The following NEO1 variants were observed in gnomAD, a reference collection of about 807,000 sequenced individuals.
The protein encoded by NEO1 is neogenin 1.
NEO1 carries 63 observed loss-of-function variants against 159.7 expected under a neutral mutation model. That is an observed-to-expected ratio of 0.39 (90% CI 0.32 to 0.49). The LOEUF (loss-of-function observed/expected upper bound fraction) is 0.49, where lower values mean the gene tolerates loss of function less well. Among genes scored for constraint, NEO1 ranks in the 20% least tolerant of loss-of-function variants. The pLI, the probability that NEO1 is intolerant of heterozygous loss-of-function variation, is 0.85. For synonymous variants in NEO1, 633 were observed against 662.0 expected, an observed-to-expected ratio of 0.96 and a Z score of 0.67; for missense variants, 1,615 against 1,831.0, an observed-to-expected ratio of 0.88 and a Z score of 2.15.
intron 7 of NEO1, among the ~76,000 whole-genome samples, chr15:73,216,688 G>A (rs951362965): frequency 6.6e-6 from 1 of 152,088 alleles, no homozygotes; most frequent in African/African-American, 2.4e-5. Flanking sequence ...GGCCAGTGAT[G>A]GTGAGCATTT....
At chr15:73,093,869 G>C (rs980309082) in intron 1 of NEO1, among the ~76,000 whole-genome samples, 10 of 152,186 alleles carry the variant, frequency 6.6e-5, no homozygotes, top group African/African-American at 2.4e-4. Flanking sequence ...ACGAGCCACT[G>C]TGCCTGGCCG....
intron 7 of NEO1, among the ~76,000 whole-genome samples, chr15:73,200,670 C>CT (rs931779531): frequency 0.31 from 29,240 of 92,908 alleles, 6,369 homozygotes; most frequent in Non-Finnish European, 0.4. Context: ...ATTCCCTTAT[C>CT]TTTTTTTTTT....
intron 7 of NEO1, among the ~76,000 whole-genome samples, chr15:73,180,558 G>C (rs964582695): frequency 6.6e-6 from 1 of 151,780 alleles, no homozygotes; most frequent in African/African-American, 2.4e-5. Flanking sequence ...AGCTATTTGG[G>C]GTATATTTAT....
chr15:73,121,109 T>C (rs2071620577), intron 2 of NEO1, among the ~76,000 whole-genome samples: 1 of 152,168 alleles, frequency 6.6e-6, no homozygotes, highest in South Asian at 2.1e-4. Flanking sequence ...CAGATGTCCA[T>C]CAAAATTAGG....
At chr15:73,261,026 C>T (rs2040594754) in intron 15 of NEO1, among the ~76,000 whole-genome samples, 1 of 152,094 alleles carries the variant, frequency 6.6e-6, no homozygotes, top group Non-Finnish European at 1.5e-5. Context: ...TGTTAACATC[C>T]TGTGATAAGG....
At chr15:73,299,915 A>T (rs543118709) in intron 27 of NEO1, 1 of 152,318 alleles carries the variant, frequency 6.6e-6, no homozygotes, top group African/African-American at 2.4e-5. Flanking sequence ...ATAATTGTGG[A>T]TATTCTTTTT....
At chr15:73,188,128 T>C (rs1596299709) in intron 7 of NEO1, among the ~76,000 whole-genome samples, 1 of 152,154 alleles carries the variant, frequency 6.6e-6, no homozygotes, top group African/African-American at 2.4e-5. Flanking sequence ...GTCTGTCATG[T>C]TTTTGGCAGA....
chr15:73,223,823 T>C (rs540682908), intron 7 of NEO1, among the ~76,000 whole-genome samples: 1 of 152,374 alleles, frequency 6.6e-6, no homozygotes, highest in African/African-American at 2.4e-5. Flanking sequence ...CATCGTGCTA[T>C]TTGTTGCCAG....
At chr15:73,207,448 A>G (rs2037303373) in intron 7 of NEO1, among the ~76,000 whole-genome samples, 1 of 152,206 alleles carries the variant, frequency 6.6e-6, no homozygotes, top group South Asian at 2.1e-4. Flanking sequence ...TTTGCTAATA[A>G]GATGCCTCCC....
chr15:73,212,689 T>C (rs1258551065), intron 7 of NEO1, among the ~76,000 whole-genome samples: 1 of 151,478 alleles, frequency 6.6e-6, no homozygotes, highest in Non-Finnish European at 1.5e-5. Context: ...GACCCAAAGA[T>C]AACATGTATA....
intron 22 of NEO1, among the ~76,000 whole-genome samples, chr15:73,279,350 G>GT (rs1567679061): frequency 0.12 from 6,698 of 58,078 alleles, 303 homozygotes; most frequent in Non-Finnish European, 0.18. Context: ...TTTTGGTTTT[G>GT]GTTTTTTTTT....
intron 15 of NEO1, among the ~76,000 whole-genome samples, chr15:73,265,487 G>A (rs2040842207): frequency 6.6e-6 from 1 of 152,188 alleles, no homozygotes; most frequent in Non-Finnish European, 1.5e-5. Context: ...CTAAGGAAAT[G>A]AATGAAAGTG....
intron 23 of NEO1, among the ~76,000 whole-genome samples, chr15:73,283,671 G>A (rs555135306): frequency 7.2e-5 from 11 of 152,318 alleles, no homozygotes; most frequent in African/African-American, 2.6e-4. Context: ...GGGTCAGAGG[G>A]CCAACTAGAG....
intron 1 of NEO1, among the ~76,000 whole-genome samples, chr15:73,070,043 G>C (rs11630661): frequency 0.011 from 1,720 of 152,248 alleles, 19 homozygotes; most frequent in Non-Finnish European, 0.018. Flanking sequence ...TGTTGGCATG[G>C]GGAAAACAAG....
intron 26 of NEO1, among the ~76,000 whole-genome samples, chr15:73,297,113 G>A (rs2042403791): frequency 1.3e-5 from 2 of 152,196 alleles, no homozygotes. Flanking sequence ...AGCTCATGCT[G>A]TTGGAAGGGT....
intron 1 of NEO1, among the ~76,000 whole-genome samples, chr15:73,062,483 G>A (rs2068026769): frequency 6.6e-6 from 1 of 152,210 alleles, no homozygotes; most frequent in South Asian, 2.1e-4. Context: ...AGCAAACTGA[G>A]TAATTGGGTT....
intron 1 of NEO1, among the ~76,000 whole-genome samples, chr15:73,091,936 A>G (rs11857053): frequency 0.13 from 20,052 of 151,874 alleles, 2,049 homozygotes; most frequent in African/African-American, 0.28. Flanking sequence ...TGTGAGCTGT[A>G]TTCTTTCATG....
chr15:73,064,021 T>G (rs757555011), intron 1 of NEO1, among the ~76,000 whole-genome samples: 12 of 152,248 alleles, frequency 7.9e-5, no homozygotes, highest in Non-Finnish European at 1.8e-4. Context: ...TAGGAAGTTC[T>G]AAGGAGTTAG....
At chr15:73,123,913 G>A (rs1052623797) in intron 3 of NEO1, among the ~76,000 whole-genome samples, 116 of 152,154 alleles carry the variant, frequency 7.6e-4, no homozygotes, top group African/African-American at 2.8e-3. Context: ...TCTTGAGGGT[G>A]TTCCTAATAG....
Sources: allele counts gnomAD v4.1 joint callset (sites outside exome capture counted in the v4.1 genomes callset), GRCh38; gene constraint gnomAD v4.1.1; transcripts MANE v1.5; gene names NCBI Gene and HGNC (gene_info 2026-07-23, HGNC 2026-07-21).